Variants in ANAPC2 observed in about 807,000 individuals in gnomAD.
The protein encoded by ANAPC2 is anaphase-promoting complex subunit 2.
ANAPC2 carries 29 observed loss-of-function variants against 84.3 expected under a neutral mutation model. The observed-to-expected ratio is 0.34, with a 90% CI of 0.26 to 0.47. ANAPC2 has a LOEUF of 0.47. Ranked by LOEUF, ANAPC2 falls within the 20% of genes least tolerant of loss-of-function variation. The pLI, the probability that ANAPC2 is intolerant of heterozygous loss-of-function variation, is 1.00. For synonymous variants in ANAPC2, 571 were observed against 479.4 expected, an observed-to-expected ratio of 1.19 and a Z score of -2.50; for missense variants, 857 against 1,131.7, an observed-to-expected ratio of 0.76 and a Z score of 3.48.
chr9:137,178,808 A>G (rs1834278421), intron 10 of ANAPC2, among the ~76,000 whole-genome samples: 1 of 152,072 alleles, frequency 6.6e-6, no homozygotes, highest in Non-Finnish European at 1.5e-5. Context: ...CACCATGGTC[A>G]GCAGCCCGGC....
intron 10 of ANAPC2, among the ~76,000 whole-genome samples, chr9:137,179,276 G>T (rs1834288782): frequency 6.6e-6 from 1 of 152,046 alleles, no homozygotes; most frequent in Admixed American, 6.5e-5. Flanking sequence ...CACACTGGAG[G>T]CCTCACAGGC....
chr9:137,185,019 A>C lies in ANAPC2; in HGVS notation c.942T>G (p.Ser314=). ...FLQDGPARPA[S]PEAGNTLRRW... ...GGCGCAGGGTGTTGCCGGCCTCGGG[A>C]GATGCGGGCCTGGCGGGGCCGTCCT... is the stretch of plus-strand genomic sequence containing the variant. Residue 314 remains serine (S), a synonymous_variant, in exon 4 of 13, where the codon TCT becomes TCG. Transcript: ENST00000323927. 6.2e-7 allele frequency: 1 copy of C among 1,601,640 alleles called. No individual in the cohort carries two copies. The highest frequency in any genetic ancestry group is 8.5e-7 in the Non-Finnish European group (1 of 1,175,424).
chr9:137,181,243 G>A (rs985001319), intron 7 of ANAPC2, among the ~76,000 whole-genome samples: 2 of 152,220 alleles, frequency 1.3e-5, no homozygotes, highest in African/African-American at 4.8e-5. Flanking sequence ...TCTGTGCCAG[G>A]GCAGGGGCCA....
chr9:137,181,961 G>A lies in ANAPC2; in HGVS notation c.1287-99C>T, dbSNP rs550699184. On this transcript the variant is annotated intron_variant, in intron 6 of 12. Transcript: ENST00000323927. Reference sequence around the variant, plus strand: ...CGGCCCCATCTAGGCCAGCACCACCGACCCTGCCTCTACACTCAGTGGTGA... The same window carrying A: ...CGGCCCCATCTAGGCCAGCACCACCAACCCTGCCTCTACACTCAGTGGTGA... 37 of 1,319,012 alleles carry A rather than the reference G, an allele frequency of 2.8e-5. No individual in the cohort carries two copies. The East Asian group carries it at 7.4e-4, about 27-fold the overall frequency. The allele number at this position is 1,319,012 out of a possible 1,614,324, so 81.7% of individuals were successfully genotyped here. A position where few individuals can be genotyped will look rare whatever the true frequency, so the allele number is the denominator to read the frequency against.
intron 12 of ANAPC2, 41 bp downstream of exon 12, chr9:137,175,196 C>T (rs779425627): frequency 2.1e-5 from 34 of 1,602,454 alleles, no homozygotes; most frequent in South Asian, 6.7e-5. Flanking sequence ...CTGCAGGCCT[C>T]GCCCCCGCCC....
At chr9:137,182,425 C>T (rs1002428254) in intron 6 of ANAPC2, among the ~76,000 whole-genome samples, 1 of 151,946 alleles carries the variant, frequency 6.6e-6, no homozygotes, top group Non-Finnish European at 1.5e-5. Flanking sequence ...AGGAGAATGG[C>T]GTGAACCCGG....
chr9:137,177,864 G>A (rs1043345888), intron 10 of ANAPC2, among the ~76,000 whole-genome samples: 7 of 152,196 alleles, frequency 4.6e-5, no homozygotes, highest in Non-Finnish European at 1.0e-4. Context: ...CGACGCGGCA[G>A]AGACCAGAGC....
intron 2 of ANAPC2, chr9:137,186,647 G>A: frequency 2.2e-6 from 1 of 447,914 alleles, no homozygotes; most frequent in South Asian, 4.2e-5. Flanking sequence ...AGCAGGTGTG[G>A]CTGTCGGGGG....
chr9:137,188,330 C>A, intron 1 of ANAPC2, 86 bp downstream of exon 1: 1 of 1,421,348 alleles, frequency 7.0e-7, no homozygotes, highest in Non-Finnish European at 9.5e-7. Flanking sequence ...ATGGACAGAG[C>A]CGTATGAACC....
chr9:137,181,589 C>T (rs963083544), intron 7 of ANAPC2, 92 bp downstream of exon 7: 5 of 1,352,408 alleles, frequency 3.7e-6, no homozygotes, highest in Non-Finnish European at 4.9e-6. Flanking sequence ...CCTGACACAG[C>T]CAAGCTCTGT....
intron 2 of ANAPC2, chr9:137,186,610 A>C (rs1159645797): frequency 2.0e-6 from 1 of 508,010 alleles, no homozygotes; most frequent in Non-Finnish European, 3.5e-6. Context: ...AGGTAGGGAC[A>C]CTGGCCTTCC....
At chr9:137,184,239 G>A (rs1834405986) in intron 4 of ANAPC2, among the ~76,000 whole-genome samples, 1 of 152,082 alleles carries the variant, frequency 6.6e-6, no homozygotes, top group South Asian at 2.1e-4. Context: ...GAAGGCCCTG[G>A]GAGCCCCAGA....
In ANAPC2 at chr9:137,180,241, C is replaced by A; in HGVS notation, c.1830G>T (p.Glu610Asp). The change falls in exon 10 of 13, where the codon GAG (glutamate) becomes GAT (aspartate). Residue 610 changes from glutamate to aspartate, a missense_variant. This residue lies in a region of ANAPC2 where 425 missense variants were observed against 595.5 expected (regional missense o/e 0.71). Coordinates refer to ENST00000323927, the MANE Select transcript of ANAPC2 (RefSeq NM_013366.4). ...GGGCTGCCCTGATATCCTCGGGGAC[C>A]TCCAGCTTCTCGTCCTTGAAGGGCG... ...FWPPFKDEKL[E>D]VPEDIRAALE... 6.2e-7 allele frequency: 1 copy of A among 1,613,824 alleles called. No homozygotes were observed. The highest frequency in any genetic ancestry group is 1.1e-5 in the South Asian group (1 of 91,088).
chr9:137,185,258 T>C (rs969923150), intron 3 of ANAPC2, among the ~76,000 whole-genome samples, 171 bp from the exon 4 acceptor site: 17 of 152,150 alleles, frequency 1.1e-4, no homozygotes, highest in Non-Finnish European at 2.1e-4. Flanking sequence ...GGGTGGGTGA[T>C]GGCCCAAAAG....
chr9:137,180,573 C>A (rs1259155947), intron 8 of ANAPC2, 46 bp from the exon 9 acceptor site: 1 of 1,610,832 alleles, frequency 6.2e-7, no homozygotes, highest in Non-Finnish European at 8.5e-7. Flanking sequence ...GAGCCCCAGC[C>A]CCAAGGAGCA....
intron 3 of ANAPC2, among the ~76,000 whole-genome samples, chr9:137,185,676 A>G (rs148187606): frequency 5.9e-5 from 9 of 152,304 alleles, no homozygotes; most frequent in African/African-American, 1.7e-4. Flanking sequence ...AGGAAAGGAC[A>G]GGTGACACAT....
In ANAPC2 at chr9:137,183,810, C is replaced by G; in HGVS notation, c.1049-19G>C. 3 of 1,612,176 alleles carry G rather than the reference C, an allele frequency of 1.9e-6. No homozygotes were observed. Among genetic ancestry groups the G allele is most frequent in the Non-Finnish European group, 2.5e-6 (3 of 1,179,168 alleles). ...GGGAAGTCTACAAGAAGAAGAACAT[C>G]CCTCAGGGACAGACATGGATGCGTG... On this transcript the variant is annotated intron_variant, in intron 4 of 12. Transcript: ENST00000323927.
chr9:137,177,287 T>C (rs1346912044), intron 10 of ANAPC2, among the ~76,000 whole-genome samples: 1 of 147,858 alleles, frequency 6.8e-6, no homozygotes, highest in Non-Finnish European at 1.5e-5. Flanking sequence ...TCAAGTGGAA[T>C]TTCGGCTGCT....
Position 137,183,866 on chromosome 9 carries a change from G to A in ANAPC2, c.1049-75C>T, listed in dbSNP as rs28652983. 1,481 of 1,568,976 alleles carry A rather than the reference G, an allele frequency of 9.4e-4. 9 individuals are homozygous for A. In the African/African-American group the frequency reaches 0.018, roughly 19 times the overall value. On this transcript the variant is annotated intron_variant, in intron 4 of 12. Coordinates refer to ENST00000323927, the MANE Select transcript of ANAPC2 (RefSeq NM_013366.4). Reference sequence around the variant, plus strand: ...GTGCAGGCTGGTGCAGAGTGTGTGCGGTGTGGGAAAGGACACGTGCTTGCC... The same window carrying A: ...GTGCAGGCTGGTGCAGAGTGTGTGCAGTGTGGGAAAGGACACGTGCTTGCC...
Sources: allele counts gnomAD v4.1 joint callset (sites outside exome capture counted in the v4.1 genomes callset), GRCh38; gene constraint gnomAD v4.1.1; regional missense constraint gnomAD v4.1.1; transcripts MANE v1.5; gene names NCBI Gene and HGNC (gene_info 2026-07-23, HGNC 2026-07-21).